Variants in DPYD observed in about 807,000 individuals in gnomAD.
The protein encoded by DPYD is dihydropyrimidine dehydrogenase.
DPYD carries 109 observed loss-of-function variants against 116.2 expected under a neutral mutation model. The ratio of observed to expected loss-of-function variants is 0.94; its 90% CI spans 0.80 to 1.10. The LOEUF is 1.10. Ranked by LOEUF, DPYD falls within the 50% of genes least tolerant of loss-of-function variation. The pLI, the probability that DPYD is intolerant of heterozygous loss-of-function variation, is 0.00. For missense variants in DPYD, 1,302 were observed against 1,254.5 expected (o/e 1.04, Z -0.57); for synonymous variants, 440 against 432.0 (o/e 1.02, Z -0.23).
chr1:97,368,687 G>A (rs549168376), intron 16 of DPYD, among the ~76,000 whole-genome samples: 1 of 152,168 alleles, frequency 6.6e-6, no homozygotes, highest in African/African-American at 2.4e-5. Context: ...GAACTCAGAG[G>A]TTCAGTAGAA....
intron 3 of DPYD, among the ~76,000 whole-genome samples, chr1:97,809,721 G>A (rs1668255065): frequency 6.6e-6 from 1 of 152,120 alleles, no homozygotes; most frequent in Non-Finnish European, 1.5e-5. Flanking sequence ...AGGTAACTGT[G>A]AGAGTAGGTG....
At chr1:97,398,710 T>A (rs543902950) in intron 14 of DPYD, among the ~76,000 whole-genome samples, 1 of 152,216 alleles carries the variant, frequency 6.6e-6, no homozygotes, top group Non-Finnish European at 1.5e-5. Flanking sequence ...TGATGAGCAT[T>A]TTTTCATTTG....
At chr1:97,563,503 A>AT (rs1652311675) in intron 11 of DPYD, among the ~76,000 whole-genome samples, 2 of 152,290 alleles carry the variant, frequency 1.3e-5, no homozygotes, top group South Asian at 4.1e-4. Flanking sequence ...AACTTGTTAC[A>AT]TGCCACTGCT....
intron 2 of DPYD, among the ~76,000 whole-genome samples, chr1:97,871,604 A>G (rs1243579760): frequency 6.6e-6 from 1 of 151,456 alleles, no homozygotes; most frequent in East Asian, 1.9e-4. Context: ...AAAAAAAAAA[A>G]TCACAGAAAA....
In DPYD at chr1:97,418,224, C is replaced by A. The variant is rs148908604; in HGVS notation, c.1905+31835G>T. On this transcript the variant is annotated intron_variant, in intron 14 of 22. Transcript: ENST00000370192. The stretch of plus-strand genomic sequence containing the variant: ...TATTTATTTCCACTACTTGCTTTGG[C>A]AAGCTTTCTTCAAAACACAGCTTAC... Among the ~76,000 whole-genome samples the A allele has an allele frequency of 9.3e-3, 1,412 of 151,974 alleles. 11 individuals are homozygous for A. The highest frequency in any genetic ancestry group is 0.019 in the South Asian group (90 of 4,812).
intron 3 of DPYD, chr1:97,796,891 CA>C (rs1480035611): frequency 6.6e-6 from 1 of 152,014 alleles, no homozygotes; most frequent in African/African-American, 2.4e-5. Flanking sequence ...ATTATGCTAC[CA>C]TAGAGAAGGA....
chr1:97,910,898 T>C (rs1673900655), intron 1 of DPYD, among the ~76,000 whole-genome samples: 1 of 152,102 alleles, frequency 6.6e-6, no homozygotes, highest in Non-Finnish European at 1.5e-5. Context: ...CTTTTCTTAT[T>C]TGTATTCTTA....
At chr1:97,469,030 T>G (rs540527453) in intron 13 of DPYD, among the ~76,000 whole-genome samples, 2 of 152,138 alleles carry the variant, frequency 1.3e-5, no homozygotes, top group Non-Finnish European at 2.9e-5. Context: ...ACTCCAAAAT[T>G]ATCAGAGCTG....
At chr1:97,713,784 T>G (rs1049924408) in intron 5 of DPYD, among the ~76,000 whole-genome samples, 5 of 152,062 alleles carry the variant, frequency 3.3e-5, no homozygotes, top group African/African-American at 1.2e-4. Flanking sequence ...CACCTTTGTG[T>G]TTGAGGGTTG....
intron 3 of DPYD, among the ~76,000 whole-genome samples, chr1:97,819,189 C>T (rs953898815): frequency 6.6e-6 from 1 of 151,910 alleles, no homozygotes; most frequent in Non-Finnish European, 1.5e-5. Flanking sequence ...ATAAAGATAA[C>T]ATGTTCTCTG....
chr1:97,563,142 A>G (rs1652282399), intron 11 of DPYD, among the ~76,000 whole-genome samples: 1 of 152,218 alleles, frequency 6.6e-6, no homozygotes, highest in African/African-American at 2.4e-5. Context: ...TACAAAATAC[A>G]TATAATTAAG....
chr1:97,186,344 A>G (rs1042432636), intron 20 of DPYD, among the ~76,000 whole-genome samples: 1 of 152,120 alleles, frequency 6.6e-6, no homozygotes, highest in Non-Finnish European at 1.5e-5. Flanking sequence ...CACACGAGTA[A>G]TGTACATTGT....
At chr1:97,289,942 T>G (rs927155391) in intron 18 of DPYD, among the ~76,000 whole-genome samples, 5 of 152,108 alleles carry the variant, frequency 3.3e-5, no homozygotes, top group African/African-American at 1.2e-4. Flanking sequence ...GAAAACCCCA[T>G]TGTCTCAGCC....
intron 11 of DPYD, among the ~76,000 whole-genome samples, chr1:97,571,762 T>C (rs1341130787): frequency 6.6e-6 from 1 of 151,974 alleles, no homozygotes; most frequent in African/African-American, 2.4e-5. Flanking sequence ...TTCATTTTAT[T>C]TTACATATAT....
At chr1:97,411,261 C>A (rs1261609427) in intron 14 of DPYD, among the ~76,000 whole-genome samples, 2 of 152,116 alleles carry the variant, frequency 1.3e-5, no homozygotes, top group African/African-American at 4.8e-5. Context: ...TGAGCTGGCA[C>A]AATAATGAAG....
chr1:97,176,897 T>TGTGTG (rs1553228786), intron 20 of DPYD, among the ~76,000 whole-genome samples: 1 of 79,706 alleles, frequency 1.3e-5, no homozygotes, highest in Non-Finnish European at 2.3e-5. Flanking sequence ...TGTGTGTGTG[T>TGTGTG]AGGGGGGGTG....
intron 7 of DPYD, among the ~76,000 whole-genome samples, chr1:97,686,657 A>C (rs1054938109): frequency 3.4e-5 from 5 of 148,814 alleles, no homozygotes; most frequent in Non-Finnish European, 7.5e-5. Flanking sequence ...AAAAAAAAAA[A>C]AAAAAAAGAC....
chr1:97,884,842 T>C (rs936548305), intron 1 of DPYD, among the ~76,000 whole-genome samples: 1 of 152,032 alleles, frequency 6.6e-6, no homozygotes, highest in African/African-American at 2.4e-5. Flanking sequence ...ATATGCTTAT[T>C]CCTGTAAAAT....
chr1:97,559,640 G>A (rs1026984032), intron 11 of DPYD, among the ~76,000 whole-genome samples: 3 of 151,544 alleles, frequency 2.0e-5, no homozygotes, highest in Non-Finnish European at 2.9e-5. Flanking sequence ...TCCATCTTAC[G>A]GCTTTTTTTT....
Sources: gnomAD v4.1 joint callset for allele counts (sites outside exome capture counted in the v4.1 genomes callset) on GRCh38, gnomAD v4.1.1 for gene constraint, MANE v1.5 for transcripts, NCBI Gene and HGNC (gene_info 2026-07-23, HGNC 2026-07-21) for gene names.